Variants in KCNN2 observed in about 807,000 individuals in gnomAD.
The protein encoded by KCNN2 is small conductance calcium-activated potassium channel protein 2.
KCNN2 carries 24 observed loss-of-function variants against 55.5 expected under a neutral mutation model. The observed-to-expected ratio is 0.43, with a 90% CI of 0.31 to 0.61. The LOEUF is 0.61. Among genes scored for constraint, KCNN2 ranks in the 20% least tolerant of loss-of-function variants. The probability of loss-of-function intolerance (pLI) is 0.08; values close to 1 mark genes in which losing one functional copy is unlikely to be tolerated. For missense variants in KCNN2, 754 were observed against 853.6 expected, an observed-to-expected ratio of 0.88 and a Z score of 1.45; for synonymous variants, 431 against 336.1, an observed-to-expected ratio of 1.28 and a Z score of -3.09.
At chr5:114,209,787 C>T (rs553623179) in intron 1 of KCNN2, among the ~76,000 whole-genome samples, 20 of 152,250 alleles carry the variant, frequency 1.3e-4, no homozygotes, top group Middle Eastern at 3.4e-3. Flanking sequence ...AACCCAGATG[C>T]GTATTGCTGA....
In KCNN2 at chr5:114,423,962, C is replaced by G. The variant is rs534139318; in HGVS notation, c.1637+19106C>G. On this transcript the variant is annotated intron_variant, in intron 3 of 7. Transcript: ENST00000673685. ...TCGAGGGTCAGAGAAGTATCTGTGTCCAAGTGAAGAATTTATGAAGAAGGG... is the reference window on the plus strand; with the variant it reads ...TCGAGGGTCAGAGAAGTATCTGTGTGCAAGTGAAGAATTTATGAAGAAGGG... Among the ~76,000 whole-genome samples, 3 of 152,146 alleles carry G rather than the reference C, an allele frequency of 2.0e-5. No individual in the cohort carries two copies. In the Middle Eastern group the frequency reaches 0.01, roughly 518 times the overall value.
At chr5:114,235,079 C>T (rs1754464914) in intron 2 of KCNN2, among the ~76,000 whole-genome samples, 1 of 152,134 alleles carries the variant, frequency 6.6e-6, no homozygotes, top group Admixed American at 6.5e-5. Context: ...CATATGAGAG[C>T]AAAGGAAGAC....
chr5:114,399,194 C>A (rs1239964121), intron 2 of KCNN2, among the ~76,000 whole-genome samples: 1 of 152,044 alleles, frequency 6.6e-6, no homozygotes, highest in Non-Finnish European at 1.5e-5. Flanking sequence ...ATAGATTGCT[C>A]TTATTATTTT....
intron 1 of KCNN2, among the ~76,000 whole-genome samples, chr5:114,106,364 A>T (rs1185554100): frequency 6.6e-6 from 1 of 151,750 alleles, no homozygotes; most frequent in Non-Finnish European, 1.5e-5. Context: ...ATATATATCT[A>T]GGAGTGGAAT....
chr5:114,414,443 G>C (rs553875029), intron 3 of KCNN2, among the ~76,000 whole-genome samples: 1 of 152,258 alleles, frequency 6.6e-6, no homozygotes, highest in East Asian at 1.9e-4. Context: ...GGGACTATGT[G>C]AACTGTTTCT....
chr5:114,219,120 T>C (rs1754074305), intron 1 of KCNN2, among the ~76,000 whole-genome samples: 2 of 152,228 alleles, frequency 1.3e-5, no homozygotes, highest in Admixed American at 6.5e-5. Context: ...GTGAACTCTT[T>C]GCAGGCCCTG....
chr5:114,170,351 A>G (rs979562615), intron 1 of KCNN2, among the ~76,000 whole-genome samples: 1 of 152,078 alleles, frequency 6.6e-6, no homozygotes, highest in Non-Finnish European at 1.5e-5. Flanking sequence ...AAGATCCTAT[A>G]TGGGTTTTAT....
chr5:114,183,041 T>C lies in KCNN2; in HGVS notation c.-270-38439T>C, dbSNP rs77954119. Among the ~76,000 whole-genome samples the C allele has an allele frequency of 8.0e-3, 1,211 of 152,220 alleles. 6 individuals are homozygous for C. The highest frequency in any genetic ancestry group is 0.012 in the Non-Finnish European group (829 of 67,916). ...TCAGATTGAGGAGAGGAACTTACTTTCTGTTCCTGGCTTGTCGAGAGGATT... is the reference window on the plus strand; with the variant it reads ...TCAGATTGAGGAGAGGAACTTACTTCCTGTTCCTGGCTTGTCGAGAGGATT... On this transcript the variant is annotated intron_variant, in intron 1 of 10. Coordinates refer to the KCNN2 transcript ENST00000512097.
At chr5:114,386,708 C>A (rs1758299378) in intron 2 of KCNN2, among the ~76,000 whole-genome samples, 2 of 152,098 alleles carry the variant, frequency 1.3e-5, no homozygotes, top group African/African-American at 4.8e-5. Context: ...GTAATATAAG[C>A]ACCTATGGAG....
At chr5:114,210,531 C>T (rs921890635) in intron 1 of KCNN2, among the ~76,000 whole-genome samples, 3 of 152,080 alleles carry the variant, frequency 2.0e-5, no homozygotes, top group Non-Finnish European at 4.4e-5. Context: ...GCAAGCCAAC[C>T]TTGACATAAG....
intron 6 of KCNN2, among the ~76,000 whole-genome samples, chr5:114,488,161 G>T (rs992370374): frequency 6.6e-6 from 1 of 152,148 alleles, no homozygotes; most frequent in Non-Finnish European, 1.5e-5. Context: ...CCATTGAACT[G>T]CCCTGCTTAA....
chr5:114,268,221 A>G (rs1274536233), intron 2 of KCNN2, among the ~76,000 whole-genome samples: 1 of 152,226 alleles, frequency 6.6e-6, no homozygotes, highest in Non-Finnish European at 1.5e-5. Context: ...GCACCAACTC[A>G]TTTATCATAC....
chr5:114,145,667 G>A (rs914187457), intron 1 of KCNN2, among the ~76,000 whole-genome samples: 21 of 149,238 alleles, frequency 1.4e-4, no homozygotes, highest in African/African-American at 4.9e-4. Context: ...ACAGAACCAG[G>A]CATCCAAATA....
chr5:114,489,146 G>A (rs1349806296), intron 6 of KCNN2: 1 of 151,978 alleles, frequency 6.6e-6, no homozygotes, highest in African/African-American at 2.4e-5. Context: ...TGTGCAGTGG[G>A]GATTTGTATT....
chr5:114,092,707 T>C (rs1261310889), intron 1 of KCNN2, among the ~76,000 whole-genome samples: 2 of 152,206 alleles, frequency 1.3e-5, no homozygotes, highest in Non-Finnish European at 2.9e-5. Flanking sequence ...TTGAATCCTT[T>C]GCACCCACAG....
chr5:114,388,458 C>T lies in KCNN2; in HGVS notation c.1219-15980C>T, dbSNP rs148642934. Among the ~76,000 whole-genome samples, 278 of 152,248 alleles carry T rather than the reference C, an allele frequency of 1.8e-3. 1 individual carries two copies. Among genetic ancestry groups the T allele is most frequent in the African/African-American group, 6.5e-3 (269 of 41,548 alleles). ...GAGGCCTTCATTCTGATCTCCCTTC[C>T]TCCTTCCATCATACTATTGATGTCC... On this transcript the variant is annotated intron_variant, in intron 2 of 7. Transcript: ENST00000673685.
chr5:114,201,374 G>T (rs1248198732), intron 1 of KCNN2, among the ~76,000 whole-genome samples: 1 of 152,092 alleles, frequency 6.6e-6, no homozygotes, highest in African/African-American at 2.4e-5. Flanking sequence ...CAAGAGTGGG[G>T]CATAGCCCAG....
At position 114,111,086 on chromosome 5, in the gene KCNN2, G is replaced by A. The variant is rs980893224; in HGVS notation, c.-271+54586G>A. ...GCTACCTGACTTCAAACTATACTAC[G>A]AGGCTCTAGTAACAAAAACAGCATG... On this transcript the variant is annotated intron_variant, in intron 1 of 10. Coordinates refer to the KCNN2 transcript ENST00000512097. Among the ~76,000 whole-genome samples, 10 of 151,862 alleles carry A rather than the reference G, an allele frequency of 6.6e-5. No homozygotes were observed. The East Asian group carries it at 7.7e-4, about 12-fold the overall frequency.
At chr5:114,425,759 A>G (rs967976416) in intron 3 of KCNN2, among the ~76,000 whole-genome samples, 4 of 152,126 alleles carry the variant, frequency 2.6e-5, no homozygotes, top group Non-Finnish European at 4.4e-5. Context: ...AGTCACCACC[A>G]TTCTCATTAT....
Sources: allele counts gnomAD v4.1 joint callset (sites outside exome capture counted in the v4.1 genomes callset), GRCh38; gene constraint gnomAD v4.1.1; transcripts MANE v1.5; gene names NCBI Gene and HGNC (gene_info 2026-07-23, HGNC 2026-07-21).